Variants in AGTPBP1 observed in about 807,000 individuals in gnomAD.
AGTPBP1 encodes the protein ATP/GTP binding carboxypeptidase 1.
Under a neutral mutation model 143.9 loss-of-function variants are expected in AGTPBP1, and 70 were observed. That is an observed-to-expected ratio of 0.49 (90% CI 0.40 to 0.59). The LOEUF is 0.59. AGTPBP1 is among the 20% of genes least tolerant of loss of function. The probability of loss-of-function intolerance (pLI) is 0.00; values close to 1 mark genes in which losing one functional copy is unlikely to be tolerated. For synonymous variants in AGTPBP1, 463 were observed against 500.2 expected (o/e 0.93, Z 0.99); for missense variants, 1,229 against 1,464.5 (o/e 0.84, Z 2.62).
chr9:85,796,313 A>G, the AGTPBP1 span, among the ~76,000 whole-genome samples: 1 of 152,304 alleles, frequency 6.6e-6, no homozygotes, highest in East Asian at 1.9e-4. Context: ...TGAATTCTTC[A>G]TATTAGGCTG....
intron 3 of AGTPBP1, among the ~76,000 whole-genome samples, chr9:85,685,868 A>T (rs576629134): frequency 6.6e-6 from 1 of 152,268 alleles, no homozygotes; most frequent in Non-Finnish European, 1.5e-5. Flanking sequence ...TTCTAAATTT[A>T]CATGAAGTAA....
chr9:85,616,328 G>C (rs1277987061), intron 17 of AGTPBP1, among the ~76,000 whole-genome samples: 3 of 151,848 alleles, frequency 2.0e-5, no homozygotes, highest in African/African-American at 7.2e-5. Flanking sequence ...CTTTGAATTA[G>C]TTTTAATTAC....
intron 8 of AGTPBP1, among the ~76,000 whole-genome samples, chr9:85,664,072 C>A (rs1334323040): frequency 2.0e-5 from 3 of 152,072 alleles, no homozygotes; most frequent in Admixed American, 2.0e-4. Context: ...AAAAAGAGTA[C>A]ACACACTATG....
intron 17 of AGTPBP1, among the ~76,000 whole-genome samples, chr9:85,615,980 C>A (rs1445586036): frequency 6.7e-6 from 1 of 148,914 alleles, no homozygotes; most frequent in African/African-American, 2.5e-5. Flanking sequence ...TATTTAATAA[C>A]CAGAAAAAAA....
chr9:85,590,809 G>T (rs562941823), intron 19 of AGTPBP1, among the ~76,000 whole-genome samples: 1 of 152,220 alleles, frequency 6.6e-6, no homozygotes, highest in East Asian at 1.9e-4. Flanking sequence ...ATAGAACAGG[G>T]CATTTCAAAG....
chr9:85,680,591 A>T (rs1232033409), intron 4 of AGTPBP1, among the ~76,000 whole-genome samples: 1 of 152,148 alleles, frequency 6.6e-6, no homozygotes, highest in East Asian at 1.9e-4. Context: ...CTCAAAAAAA[A>T]AAGAAAAGAA....
At chr9:85,683,751 A>G (rs1025245069) in intron 3 of AGTPBP1, among the ~76,000 whole-genome samples, 1 of 152,102 alleles carries the variant, frequency 6.6e-6, no homozygotes, top group African/African-American at 2.4e-5. Flanking sequence ...TGCCTCTGAT[A>G]TCTTAATCCC....
At chr9:85,635,504 C>T (rs940257859) in intron 13 of AGTPBP1, among the ~76,000 whole-genome samples, 2 of 152,118 alleles carry the variant, frequency 1.3e-5, no homozygotes, top group Non-Finnish European at 1.5e-5. Flanking sequence ...CTATTTACAA[C>T]TTTTACATAT....
At chr9:85,585,431 T>C (rs753262339) in intron 23 of AGTPBP1, 32 bp downstream of exon 23, 2 of 1,524,942 alleles carry the variant, frequency 1.3e-6, no homozygotes, top group Middle Eastern at 1.8e-4. Context: ...TGTTTGAAAT[T>C]CAAAAACTTA....
chr9:85,724,274 G>T (rs1371806321), intron 1 of AGTPBP1, among the ~76,000 whole-genome samples: 2 of 139,036 alleles, frequency 1.4e-5, no homozygotes, highest in African/African-American at 5.4e-5. Flanking sequence ...GCAACAGAGT[G>T]AGACTTTGTC....
At chr9:85,756,219 A>G in the AGTPBP1 span, 6 of 1,595,044 alleles carry the variant, frequency 3.8e-6, no homozygotes, top group South Asian at 1.1e-5. Context: ...GAGAAGAGTC[A>G]CCTGGAAAAT....
At chr9:85,741,615 G>A (rs1157613109) in intron 1 of AGTPBP1, 160 bp downstream of exon 1, 1 of 985,246 alleles carries the variant, frequency 1.0e-6, no homozygotes, top group African/African-American at 1.7e-5. Flanking sequence ...CCCCTCACGC[G>A]TCACATGTGT....
chr9:85,659,565 AAGGG>A (rs1489432411), intron 9 of AGTPBP1, among the ~76,000 whole-genome samples: 1 of 152,088 alleles, frequency 6.6e-6, no homozygotes, highest in African/African-American at 2.4e-5. Flanking sequence ...TTTGAAAAAG[AAGGG>A]AGGGAGTAAA....
At chr9:85,707,412 C>CA (rs1196923655) in intron 2 of AGTPBP1, among the ~76,000 whole-genome samples, 1 of 151,896 alleles carries the variant, frequency 6.6e-6, no homozygotes, top group Non-Finnish European at 1.5e-5. Flanking sequence ...AAGAAACATG[C>CA]AAAATCATAG....
intron 25 of AGTPBP1, among the ~76,000 whole-genome samples, chr9:85,563,065 C>T (rs1219786221): frequency 2.0e-5 from 3 of 152,152 alleles, no homozygotes; most frequent in Non-Finnish European, 4.4e-5. Flanking sequence ...ATGCCTTGAT[C>T]TTGGACTTCC....
the AGTPBP1 span, among the ~76,000 whole-genome samples, chr9:85,766,275 ATTAT>A: frequency 6.6e-6 from 1 of 152,194 alleles, no homozygotes; most frequent in East Asian, 1.9e-4. Flanking sequence ...TACCTCTTAC[ATTAT>A]TTATTCAAAG....
At chr9:85,595,818 C>T (rs1230146236) in intron 18 of AGTPBP1, among the ~76,000 whole-genome samples, 1 of 152,198 alleles carries the variant, frequency 6.6e-6, no homozygotes, top group Non-Finnish European at 1.5e-5. Context: ...TGAGCCACCA[C>T]ACCCAGCCTC....
chr9:85,593,814 A>G (rs867447159), intron 18 of AGTPBP1, among the ~76,000 whole-genome samples: 3 of 152,274 alleles, frequency 2.0e-5, no homozygotes, highest in Middle Eastern at 3.4e-3. Flanking sequence ...AGTTTTTAAA[A>G]CTATACATTA....
At chr9:85,804,808 T>G in the AGTPBP1 span, among the ~76,000 whole-genome samples, 8 of 152,222 alleles carry the variant, frequency 5.3e-5, no homozygotes, top group African/African-American at 1.9e-4. Context: ...GTTATTTTCC[T>G]TACAGAGATC....
Sources: gnomAD v4.1 joint callset for allele counts (sites outside exome capture counted in the v4.1 genomes callset) on GRCh38, gnomAD v4.1.1 for gene constraint, MANE v1.5 for transcripts, NCBI Gene and HGNC (gene_info 2026-07-23, HGNC 2026-07-21) for gene names.